The following TMEM128 variants were observed in gnomAD, a reference collection of about 807,000 sequenced individuals.
The protein encoded by TMEM128 is transmembrane protein 128.
In TMEM128, 16 loss-of-function variants were observed where a neutral mutation model predicts 19.7. That is an observed-to-expected ratio of 0.81 (90% CI 0.55 to 1.23). TMEM128 has a LOEUF of 1.23. Among genes scored for constraint, TMEM128 ranks in the 50% most tolerant of loss-of-function variants. The probability of loss-of-function intolerance (pLI) is 0.00; values close to 1 mark genes in which losing one functional copy is unlikely to be tolerated. For missense variants in TMEM128, 237 were observed against 200.8 expected (o/e 1.18, Z -1.09); for synonymous variants, 98 against 75.8 (o/e 1.29, Z -1.52).
At chr4:4,247,945 T>G (rs895689154) in intron 1 of TMEM128, 161 bp downstream of exon 1, 1 of 1,433,488 alleles carries the variant, frequency 7.0e-7, no homozygotes, top group Non-Finnish European at 9.1e-7. Flanking sequence ...GAAATGACGA[T>G]GCACAGCACT....
intron 2 of TMEM128, among the ~76,000 whole-genome samples, chr4:4,244,927 A>G (rs1718107866): frequency 1.3e-5 from 2 of 152,292 alleles, no homozygotes; most frequent in East Asian, 3.9e-4. Flanking sequence ...CCTAGAAAGT[A>G]GAGGACAGTT....
intron 2 of TMEM128, among the ~76,000 whole-genome samples, chr4:4,245,595 CATTT>C (rs1327590571): frequency 1.3e-5 from 2 of 152,194 alleles, no homozygotes; most frequent in Non-Finnish European, 1.5e-5. Context: ...TCCTACAACA[CATTT>C]ATTTGCACAC....
At chr4:4,242,296 T>G (rs1201371024) in intron 2 of TMEM128, among the ~76,000 whole-genome samples, 1 of 134,590 alleles carries the variant, frequency 7.4e-6, no homozygotes, top group Non-Finnish European at 1.7e-5. Flanking sequence ...GCATGCAATC[T>G]CACTGGGGGG....
At position 4,248,113 on chromosome 4, in the gene TMEM128, G is replaced by A. The variant is rs1718276945; in HGVS notation, c.90C>T (p.Ala30=). 1 of 1,535,978 alleles carries A rather than the reference G, an allele frequency of 6.5e-7. No individual in the cohort carries two copies. Among genetic ancestry groups the A allele is most frequent in the South Asian group, 1.2e-5 (1 of 83,780 alleles). ...GCTTGGTGCGCGCCTCACCCGGCCC[G>A]GCGTCACCCTCGCGGTCCAGCTGGG... ...AEAQLDREGD[A]GPETSTAVEK... The change falls in exon 1 of 5, where the codon GCC becomes GCT. Residue 30 remains alanine, a synonymous_variant. Coordinates refer to ENST00000382753, the MANE Select transcript of TMEM128 (RefSeq NM_001297551.2).
Position 4,237,936 on chromosome 4 carries a change from C to T in TMEM128, c.399-1G>A, listed in dbSNP as rs773057284. On this transcript the variant is annotated splice_acceptor_variant, in intron 3 of 4. Transcript: ENST00000382753. LOFTEE classifies it high-confidence loss of function. ...CACATGCCATAAAGCAATGTTGAAG[C>T]TGAAAAGAACAAGACATAAACAGTT... 6.5e-7 allele frequency: 1 copy of T among 1,545,940 alleles called. No homozygotes were observed. The highest frequency in any genetic ancestry group is 1.4e-5 in the African/African-American group (1 of 71,982).
intron 1 of TMEM128, among the ~76,000 whole-genome samples, chr4:4,246,959 G>C (rs938004420): frequency 6.6e-6 from 1 of 152,016 alleles, no homozygotes; most frequent in Non-Finnish European, 1.5e-5. Context: ...TCTTGGCCAG[G>C]CTGCTCTATT....
At chr4:4,244,657 A>AACAG (rs4018325) in intron 2 of TMEM128, among the ~76,000 whole-genome samples, 46,729 of 151,788 alleles carry the variant, frequency 0.31, 7,785 homozygotes, top group East Asian at 0.44. Context: ...GACACCCAGA[A>AACAG]ACAGCCTTAC....
intron 3 of TMEM128, among the ~76,000 whole-genome samples, chr4:4,239,887 T>A (rs1274609510): frequency 1.3e-5 from 2 of 152,202 alleles, no homozygotes; most frequent in African/African-American, 4.8e-5. Flanking sequence ...AAGCAAGTAG[T>A]TACCATGAAG....
At chr4:4,242,606 C>T (rs1269720469) in intron 2 of TMEM128, among the ~76,000 whole-genome samples, 1 of 151,892 alleles carries the variant, frequency 6.6e-6, no homozygotes, top group Admixed American at 6.5e-5. Context: ...GCAACCTCCA[C>T]TTCCCAGGTT....
chr4:4,240,478 A>G lies in TMEM128; in HGVS notation c.241T>C (p.Trp81Arg). Reference protein sequence around the residue: ...TLKENFHTSSWFLCGSALLLV... With the variant: ...TLKENFHTSSRFLCGSALLLV... ...AACAAGGCACTGCCACAGAGAAACC[A>G]GCTGTGGAGATAAAAACAGTAAGAG... The change falls in exon 3 of 5, where the codon TGG becomes CGG. Residue 81 changes from tryptophan to arginine, a missense_variant and splice_region_variant. Trp to Arg is a moderately radical substitution (Grantham distance 101). Coordinates refer to ENST00000382753, the MANE Select transcript of TMEM128 (RefSeq NM_001297551.2). 6.2e-7 allele frequency: 1 copy of G among 1,611,998 alleles called. No homozygotes were observed.
chr4:4,237,861 A>G lies in TMEM128; in HGVS notation c.473T>C (p.Val158Ala), dbSNP rs1398022633. 5 of 1,612,856 alleles carry G rather than the reference A, an allele frequency of 3.1e-6. No homozygotes were observed. In the African/African-American group the frequency reaches 5.3e-5, roughly 17 times the overall value. The change falls in exon 4 of 5, where the codon GTC becomes GCC. Residue 158 changes from valine to alanine, a missense_variant. Physicochemically the swap from Val to Ala is moderately conservative, Grantham distance 64. Transcript: ENST00000382753. Reference sequence around the variant, plus strand: ...TCATCCAAGGAGTGTGATAAACATGACAACCCCCATAAACTGGGTAAACAA... The same window carrying G: ...TCATCCAAGGAGTGTGATAAACATGGCAACCCCCATAAACTGGGTAAACAA... ...LLLFTQFMGV[V>A]MFITLLG is the part of the protein sequence containing the mutation.
chr4:4,237,941 A>G lies in TMEM128; in HGVS notation c.399-6T>C, dbSNP rs1290746103. The G allele has an allele frequency of 6.5e-7, 1 of 1,544,270 alleles. No individual in the cohort carries two copies. The highest frequency in any genetic ancestry group is 8.8e-7 in the Non-Finnish European group (1 of 1,138,906). ...GCCATAAAGCAATGTTGAAGCTGAA[A>G]AGAACAAGACATAAACAGTTGACAA... On this transcript the variant is annotated splice_polypyrimidine_tract_variant and splice_region_variant and intron_variant, in intron 3 of 4. Coordinates refer to ENST00000382753, the MANE Select transcript of TMEM128 (RefSeq NM_001297551.2).
At chr4:4,237,659 C>T (rs1336646051) in intron 4 of TMEM128, among the ~76,000 whole-genome samples, 168 bp downstream of exon 4, 1 of 152,190 alleles carries the variant, frequency 6.6e-6, no homozygotes, top group African/African-American at 2.4e-5. Context: ...AAAAAGGAGT[C>T]TATCTCAGAG....
At chr4:4,247,293 C>T (rs1016335699) in intron 1 of TMEM128, among the ~76,000 whole-genome samples, 5 of 152,152 alleles carry the variant, frequency 3.3e-5, no homozygotes, top group Non-Finnish European at 7.3e-5. Context: ...AATCAATGGT[C>T]CACATCTGAG....
chr4:4,239,615 C>A (rs1019800038), intron 3 of TMEM128, among the ~76,000 whole-genome samples: 1 of 152,166 alleles, frequency 6.6e-6, no homozygotes, highest in Non-Finnish European at 1.5e-5. Context: ...CAAGAATGCT[C>A]TTTATAGCAT....
intron 1 of TMEM128, among the ~76,000 whole-genome samples, chr4:4,247,030 C>T (rs1264246358): frequency 6.6e-6 from 1 of 152,184 alleles, no homozygotes; most frequent in Non-Finnish European, 1.5e-5. Flanking sequence ...TCTCAAAGTG[C>T]TGGGATTACA....
At chr4:4,237,486 T>G (rs1717767133) in intron 4 of TMEM128, among the ~76,000 whole-genome samples, 2 of 152,248 alleles carry the variant, frequency 1.3e-5, no homozygotes, top group South Asian at 4.1e-4. Context: ...AAAAAAATTT[T>G]TAAAAATTAG....
chr4:4,247,938 A>G (rs1718260334), intron 1 of TMEM128, 168 bp downstream of exon 1: 4 of 1,431,362 alleles, frequency 2.8e-6, no homozygotes, highest in Non-Finnish European at 2.7e-6. Context: ...CGCAGCTGAA[A>G]TGACGATGCA....
chr4:4,246,605 A>T (rs1718185788), intron 1 of TMEM128, among the ~76,000 whole-genome samples: 1 of 152,232 alleles, frequency 6.6e-6, no homozygotes, highest in Non-Finnish European at 1.5e-5. Flanking sequence ...GGAAATAACA[A>T]TGTCACCTGG....
Sources: allele counts gnomAD v4.1 joint callset (sites outside exome capture counted in the v4.1 genomes callset), GRCh38; gene constraint gnomAD v4.1.1; transcripts MANE v1.5; gene names NCBI Gene and HGNC (gene_info 2026-07-23, HGNC 2026-07-21).